ITFG1: variants seen among roughly 807,000 people sequenced by gnomAD.
ITFG1 encodes integrin alpha FG-GAP repeat containing 1, also known as T-cell immunomodulatory protein.
ITFG1 carries 34 observed loss-of-function variants against 81.8 expected under a neutral mutation model. That is an observed-to-expected ratio of 0.42 (90% CI 0.32 to 0.55). The LOEUF is 0.55. ITFG1 is among the 20% of genes least tolerant of loss of function. The pLI, the probability that ITFG1 is intolerant of heterozygous loss-of-function variation, is 0.17. For missense variants in ITFG1, 672 were observed against 755.4 expected (o/e 0.89, Z 1.29); for synonymous variants, 285 against 270.6 (o/e 1.05, Z -0.52).
intron 14 of ITFG1, among the ~76,000 whole-genome samples, chr16:47,205,444 C>T (rs1027647593): frequency 2.6e-5 from 4 of 152,116 alleles, no homozygotes; most frequent in Non-Finnish European, 5.9e-5. Context: ...GCACTCAATG[C>T]AAGTCAGTGT....
intron 14 of ITFG1, 133 bp from the exon 15 acceptor site, chr16:47,162,797 C>A: frequency 1.3e-6 from 1 of 752,024 alleles, no homozygotes; most frequent in Admixed American, 3.2e-5. Context: ...ATGAAAGATA[C>A]AGGTCATTAA....
chr16:47,191,194 A>G lies in ITFG1; in HGVS notation c.1453+27674T>C, dbSNP rs149899159. Reference sequence around the variant, plus strand: ...TTTTTCTTTTTTCTCCTCACTTTTCAGTTTGGGGAGTTTCAGTTGACATAT... The same window carrying G: ...TTTTTCTTTTTTCTCCTCACTTTTCGGTTTGGGGAGTTTCAGTTGACATAT... On this transcript the variant is annotated intron_variant, in intron 14 of 17. Transcript: ENST00000320640. Among the ~76,000 whole-genome samples, 881 of 151,978 alleles carry G rather than the reference A, an allele frequency of 5.8e-3. 7 individuals are homozygous for G. The highest frequency in any genetic ancestry group is 0.02 in the African/African-American group (839 of 41,422).
At chr16:47,368,413 G>A (rs529697639) in intron 7 of ITFG1, among the ~76,000 whole-genome samples, 75 of 151,162 alleles carry the variant, frequency 5.0e-4, no homozygotes, top group Admixed American at 3.6e-3. Flanking sequence ...AAATTAGCTG[G>A]GTTTGGTAGT....
intron 7 of ITFG1, among the ~76,000 whole-genome samples, chr16:47,371,706 T>C (rs1160711137): frequency 3.3e-5 from 5 of 152,168 alleles, no homozygotes; most frequent in Non-Finnish European, 5.9e-5. Context: ...TGAGAACATC[T>C]GGCAATGTCT....
intron 14 of ITFG1, among the ~76,000 whole-genome samples, chr16:47,169,371 G>A (rs895241873): frequency 1.1e-4 from 17 of 152,076 alleles, no homozygotes; most frequent in Admixed American, 8.5e-4. Context: ...ATTTCTCTCA[G>A]CAATGTTTTT....
chr16:47,306,576 T>A (rs1477046452), intron 10 of ITFG1, among the ~76,000 whole-genome samples: 2 of 152,062 alleles, frequency 1.3e-5, no homozygotes, highest in African/African-American at 4.8e-5. Context: ...TCACAATATT[T>A]AGTCTTAAAA....
chr16:47,182,125 G>A (rs1447724292), intron 14 of ITFG1, among the ~76,000 whole-genome samples: 2 of 150,634 alleles, frequency 1.3e-5, no homozygotes, highest in African/African-American at 4.9e-5. Flanking sequence ...CTCCACTATT[G>A]TCCTATGACC....
At chr16:47,179,731 C>G (rs1273426448) in intron 14 of ITFG1, among the ~76,000 whole-genome samples, 1 of 152,148 alleles carries the variant, frequency 6.6e-6, no homozygotes, top group East Asian at 1.9e-4. Flanking sequence ...GTACTAGGAT[C>G]TCTAGAATGT....
intron 6 of ITFG1, among the ~76,000 whole-genome samples, chr16:47,418,948 T>C (rs1454627269): frequency 2.0e-5 from 3 of 152,172 alleles, no homozygotes; most frequent in Non-Finnish European, 4.4e-5. Flanking sequence ...GTTATTTTGA[T>C]AGAGATTACA....
At chr16:47,453,054 G>C (rs543257051) in intron 3 of ITFG1, among the ~76,000 whole-genome samples, 5 of 152,184 alleles carry the variant, frequency 3.3e-5, no homozygotes, top group Non-Finnish European at 7.3e-5. Flanking sequence ...TTTGCTAGCT[G>C]AGTCTTTGTC....
intron 13 of ITFG1, among the ~76,000 whole-genome samples, chr16:47,219,391 C>G (rs945373618): frequency 4.6e-5 from 7 of 152,094 alleles, no homozygotes. Flanking sequence ...CATTTAAACT[C>G]CTGCACATTT....
chr16:47,188,325 G>A (rs1596795718), intron 14 of ITFG1, among the ~76,000 whole-genome samples: 1 of 152,152 alleles, frequency 6.6e-6, no homozygotes, highest in East Asian at 1.9e-4. Context: ...TATGTTTATT[G>A]CGGCATTATT....
chr16:47,216,465 T>C (rs1965626081), intron 14 of ITFG1, among the ~76,000 whole-genome samples: 1 of 152,168 alleles, frequency 6.6e-6, no homozygotes, highest in South Asian at 2.1e-4. Context: ...CCTCCGAAAG[T>C]GCTGGGATTA....
chr16:47,212,771 G>A (rs1431670268), intron 14 of ITFG1, among the ~76,000 whole-genome samples: 1 of 152,132 alleles, frequency 6.6e-6, no homozygotes, highest in Non-Finnish European at 1.5e-5. Flanking sequence ...TCCACAGTGA[G>A]TCATCTGATT....
intron 5 of ITFG1, among the ~76,000 whole-genome samples, chr16:47,445,801 T>G (rs1164869013): frequency 6.6e-6 from 1 of 152,098 alleles, no homozygotes; most frequent in East Asian, 1.9e-4. Context: ...TACAATGAAG[T>G]CCAAGCTAGC....
At chr16:47,349,969 G>T (rs942517258) in intron 8 of ITFG1, among the ~76,000 whole-genome samples, 2 of 152,134 alleles carry the variant, frequency 1.3e-5, no homozygotes, top group Non-Finnish European at 2.9e-5. Flanking sequence ...TACTAGGTAG[G>T]TAAATAACGA....
chr16:47,272,694 C>T (rs1317892050), intron 10 of ITFG1, among the ~76,000 whole-genome samples: 1 of 151,828 alleles, frequency 6.6e-6, no homozygotes, highest in Admixed American at 6.6e-5. Context: ...TTGCGCCCAG[C>T]CTGAATACAC....
chr16:47,415,269 T>A (rs1410136555), intron 6 of ITFG1, among the ~76,000 whole-genome samples: 2 of 152,198 alleles, frequency 1.3e-5, no homozygotes, highest in Non-Finnish European at 2.9e-5. Flanking sequence ...TTTGCAAGAA[T>A]AAAGGAATAT....
chr16:47,323,171 C>T (rs1031764025), intron 8 of ITFG1, among the ~76,000 whole-genome samples: 5 of 151,930 alleles, frequency 3.3e-5, no homozygotes, highest in Admixed American at 6.6e-5. Context: ...AGAAGTGTGG[C>T]CTTCAAGAGG....
Sources: allele counts gnomAD v4.1 joint callset (sites outside exome capture counted in the v4.1 genomes callset), GRCh38; gene constraint gnomAD v4.1.1; transcripts MANE v1.5; gene names NCBI Gene and HGNC (gene_info 2026-07-23, HGNC 2026-07-21).